Variants in MGAT4C observed in about 807,000 individuals in gnomAD.
MGAT4C encodes the protein alpha-1,3-mannosyl-glycoprotein 4-beta-N-acetylglucosaminyltransferase C.
MGAT4C carries 19 observed loss-of-function variants against 40.1 expected under a neutral mutation model. The observed-to-expected ratio is 0.47, with a 90% confidence interval of 0.33 to 0.70. The LOEUF (loss-of-function observed/expected upper bound fraction) is 0.70, where lower values mean the gene tolerates loss of function less well. Among genes scored for constraint, MGAT4C ranks in the 30% least tolerant of loss-of-function variants. The pLI is 0.02. For synonymous variants in MGAT4C, 181 were observed against 187.1 expected (o/e 0.97, Z 0.27); for missense variants, 491 against 563.2 (o/e 0.87, Z 1.30).
chr12:86,170,151 T>C (rs1472889901), intron 1 of MGAT4C, among the ~76,000 whole-genome samples: 1 of 152,210 alleles, frequency 6.6e-6, no homozygotes, highest in African/African-American at 2.4e-5. Context: ...AAAGGTTTCT[T>C]ATATGAACAG....
At chr12:86,253,449 G>A (rs1480099571) in intron 1 of MGAT4C, among the ~76,000 whole-genome samples, 1 of 151,892 alleles carries the variant, frequency 6.6e-6, no homozygotes, top group African/African-American at 2.4e-5. Flanking sequence ...CTTACTGACT[G>A]GGTGATCTTT....
intron 1 of MGAT4C, among the ~76,000 whole-genome samples, chr12:86,074,367 T>TAGATAGAG (rs1869244203): frequency 6.6e-6 from 1 of 152,042 alleles, no homozygotes; most frequent in South Asian, 2.1e-4. Context: ...GATAGATAGA[T>TAGATAGAG]AGATAGATAT....
At chr12:86,680,660 A>C (rs918231407) in intron 2 of MGAT4C, among the ~76,000 whole-genome samples, 1 of 152,104 alleles carries the variant, frequency 6.6e-6, no homozygotes, top group African/African-American at 2.4e-5. Context: ...CTTAGACATA[A>C]AATAGCAATT....
chr12:86,271,824 A>T (rs941268617), intron 4 of MGAT4C, among the ~76,000 whole-genome samples: 2 of 152,206 alleles, frequency 1.3e-5, no homozygotes, highest in African/African-American at 4.8e-5. Flanking sequence ...GTCATTAGAA[A>T]AGAATGGAAT....
rs533101336 is a variant in MGAT4C at position 86,555,819 on chromosome 12, C to G, written c.-228-120554G>C. 5.9e-5 allele frequency among the ~76,000 whole-genome samples: 9 copies of G among 152,274 alleles called. No homozygotes were observed. In the East Asian group the frequency reaches 1.4e-3, roughly 23 times the overall value. ...CTTCCAGAGCTTGGGGCCTTCGCAGCCTCCACACTCATGATGGCCCCCTGG... is the reference window on the plus strand; with the variant it reads ...CTTCCAGAGCTTGGGGCCTTCGCAGGCTCCACACTCATGATGGCCCCCTGG... On this transcript the variant is annotated intron_variant, in intron 2 of 7. Transcript: ENST00000548651.
intron 2 of MGAT4C, among the ~76,000 whole-genome samples, chr12:86,598,850 A>T (rs1961646723): frequency 6.6e-6 from 1 of 152,102 alleles, no homozygotes; most frequent in Non-Finnish European, 1.5e-5. Context: ...TTATTTGCTG[A>T]TATTCACATA....
intron 2 of MGAT4C, among the ~76,000 whole-genome samples, chr12:86,653,384 C>G (rs1187160247): frequency 6.6e-6 from 1 of 151,772 alleles, no homozygotes; most frequent in Non-Finnish European, 1.5e-5. Flanking sequence ...ATTCCACAAC[C>G]AGTAGAAAGG....
Position 86,795,682 on chromosome 12 carries a change from C to T in MGAT4C, c.-262+42984G>A, listed in dbSNP as rs139910309. ...AAGAAGAGAGATGGATACATCTAAG[C>T]TGTTTCTGATTATTTTCAATTATTG... On this transcript the variant is annotated intron_variant, in intron 1 of 7. Coordinates refer to the MGAT4C transcript ENST00000548651. Among the ~76,000 whole-genome samples, 500 of 151,778 alleles carry T rather than the reference C, an allele frequency of 3.3e-3. 2 individuals are homozygous for T. Among genetic ancestry groups the T allele is most frequent in the African/African-American group, 0.012 (490 of 41,448 alleles).
intron 2 of MGAT4C, among the ~76,000 whole-genome samples, chr12:86,660,611 T>C (rs1461404448): frequency 6.6e-6 from 1 of 152,098 alleles, no homozygotes; most frequent in Admixed American, 6.6e-5. Flanking sequence ...CTAGGTAACA[T>C]AATAGAAACT....
chr12:86,125,275 A>G (rs571970993), intron 1 of MGAT4C, among the ~76,000 whole-genome samples: 1 of 152,324 alleles, frequency 6.6e-6, no homozygotes, highest in East Asian at 1.9e-4. Flanking sequence ...TACACTAGAC[A>G]TATATACTGT....
At chr12:86,031,740 C>A (rs1477438726) in intron 2 of MGAT4C, among the ~76,000 whole-genome samples, 2 of 151,712 alleles carry the variant, frequency 1.3e-5, no homozygotes. Flanking sequence ...TTACTTTATT[C>A]AATTTTATTT....
intron 2 of MGAT4C, among the ~76,000 whole-genome samples, chr12:86,035,426 TG>T (rs1328145922): frequency 6.7e-6 from 1 of 150,336 alleles, no homozygotes; most frequent in Non-Finnish European, 1.5e-5. Context: ...TTGATGGGGT[TG>T]TTTTTTTCTT....
intron 2 of MGAT4C, among the ~76,000 whole-genome samples, chr12:86,438,691 C>T (rs984628413): frequency 3.3e-5 from 5 of 151,760 alleles, no homozygotes; most frequent in African/African-American, 9.7e-5. Context: ...AGAATTGATA[C>T]AGTAATCACA....
chr12:86,213,528 T>A (rs1331585857), intron 1 of MGAT4C, among the ~76,000 whole-genome samples: 2 of 152,194 alleles, frequency 1.3e-5, no homozygotes, highest in Non-Finnish European at 2.9e-5. Context: ...CACTAATATA[T>A]GTAATAGCTA....
intron 1 of MGAT4C, among the ~76,000 whole-genome samples, chr12:86,744,403 G>T (rs760780814): frequency 2.6e-5 from 4 of 151,552 alleles, no homozygotes; most frequent in Non-Finnish European, 4.4e-5. Flanking sequence ...GGTAAACAGA[G>T]TGTATGTAGC....
chr12:86,142,288 C>T (rs1439488408), intron 1 of MGAT4C, among the ~76,000 whole-genome samples: 1 of 152,142 alleles, frequency 6.6e-6, no homozygotes, highest in Non-Finnish European at 1.5e-5. Context: ...GCCAATATAG[C>T]ACACATGTGC....
intron 1 of MGAT4C, among the ~76,000 whole-genome samples, chr12:86,097,374 AGAAT>A (rs1874127199): frequency 6.6e-6 from 1 of 151,726 alleles, no homozygotes; most frequent in African/African-American, 2.4e-5. Context: ...CATTGACTTT[AGAAT>A]AACAATGAAA....
intron 2 of MGAT4C, among the ~76,000 whole-genome samples, chr12:86,548,337 G>C (rs1959213205): frequency 6.6e-6 from 1 of 151,990 alleles, no homozygotes; most frequent in Admixed American, 6.6e-5. Flanking sequence ...GAGAACTTAA[G>C]ATGTCCACAA....
At chr12:86,690,627 C>T (rs1171290801) in intron 2 of MGAT4C, among the ~76,000 whole-genome samples, 1 of 152,120 alleles carries the variant, frequency 6.6e-6, no homozygotes, top group East Asian at 1.9e-4. Flanking sequence ...TTCTGCTTGC[C>T]CTCTGTGGGC....
Sources: gnomAD v4.1 joint callset for allele counts (sites outside exome capture counted in the v4.1 genomes callset) on GRCh38, gnomAD v4.1.1 for gene constraint, MANE v1.5 for transcripts, NCBI Gene and HGNC (gene_info 2026-07-23, HGNC 2026-07-21) for gene names.